Variants in S100A8 observed in about 807,000 individuals in gnomAD.
The protein encoded by S100A8 is S100 calcium binding protein A8, also known as protein S100-A8.
In S100A8, 1 loss-of-function variant was observed where a neutral mutation model predicts 4.2. That is an observed-to-expected ratio of 0.24 (90% CI 0.08 to 1.12). The LOEUF is 1.12. S100A8 is among the 50% of genes most tolerant of loss of function. S100A8 has a pLI of 0.53. For missense variants in S100A8, 96 were observed against 111.8 expected, an observed-to-expected ratio of 0.86 and a Z score of 0.64; for synonymous variants, 41 against 44.7, an observed-to-expected ratio of 0.92 and a Z score of 0.33.
At chr1:153,419,284 C>T in the S100A8 span, 13 of 1,614,062 alleles carry the variant, frequency 8.1e-6, no homozygotes, top group Admixed American at 5.0e-5. Context: ...CATGGAGCGG[C>T]GCCCTGTTCT....
chr1:153,407,369 G>C, the S100A8 span, among the ~76,000 whole-genome samples: 45 of 152,348 alleles, frequency 3.0e-4, no homozygotes, highest in African/African-American at 1.1e-3. Context: ...CTCGCTCACT[G>C]CTAGCACAGC....
chr1:153,396,871 T>C, the S100A8 span: 1 of 152,272 alleles, frequency 6.6e-6, no homozygotes, highest in Non-Finnish European at 1.5e-5. Flanking sequence ...GGCCTGGCCT[T>C]GCCTGCAAGG....
chr1:153,394,142 C>T (rs1662164191), upstream of S100A8, among the ~76,000 whole-genome samples: 1 of 152,172 alleles, frequency 6.6e-6, no homozygotes, highest in South Asian at 2.1e-4. Flanking sequence ...GGAACCTGGT[C>T]ATGTTTACAG....
At chr1:153,410,248 A>C in the S100A8 span, among the ~76,000 whole-genome samples, 1 of 152,364 alleles carries the variant, frequency 6.6e-6, no homozygotes, top group South Asian at 2.1e-4. Context: ...CTAATAAAGA[A>C]GAAAAGAGAG....
At chr1:153,419,217 T>G in the S100A8 span, 3 of 1,614,076 alleles carry the variant, frequency 1.9e-6, no homozygotes, top group Admixed American at 1.7e-5. Context: ...GAAGATTGAT[T>G]TTTCTGAGTT....
At chr1:153,403,603 C>T in the S100A8 span, among the ~76,000 whole-genome samples, 63 of 152,264 alleles carry the variant, frequency 4.1e-4, no homozygotes, top group African/African-American at 1.5e-3. Context: ...CCCTGTGGGC[C>T]ACGGCCCTGC....
the S100A8 span, among the ~76,000 whole-genome samples, chr1:153,415,714 G>C: frequency 2.7e-5 from 4 of 146,362 alleles, no homozygotes; most frequent in Non-Finnish European, 4.5e-5. Context: ...TCCATGGGGC[G>C]GGGGGGGCGG....
At chr1:153,417,308 C>A in the S100A8 span, 1 of 152,356 alleles carries the variant, frequency 6.6e-6, no homozygotes, top group East Asian at 1.9e-4. Flanking sequence ...ACAGGGTCAA[C>A]CCTTGGTGAT....
At chr1:153,414,133 T>G in the S100A8 span, among the ~76,000 whole-genome samples, 1 of 152,168 alleles carries the variant, frequency 6.6e-6, no homozygotes, top group Non-Finnish European at 1.5e-5. Context: ...TAGACCTACA[T>G]GCAAAACATA....
the S100A8 span, among the ~76,000 whole-genome samples, chr1:153,399,896 C>T: frequency 1.3e-5 from 2 of 152,174 alleles, no homozygotes; most frequent in Non-Finnish European, 2.9e-5. Flanking sequence ...AGCGCGGCCC[C>T]CTCAGGGGAT....
the S100A8 span, chr1:153,416,408 C>G: frequency 3.5e-6 from 1 of 285,794 alleles, no homozygotes; most frequent in Non-Finnish European, 7.0e-6. Flanking sequence ...GTCCCACACA[C>G]CTGATATGGG....
the S100A8 span, chr1:153,419,422 A>G: frequency 2.5e-6 from 3 of 1,208,690 alleles, no homozygotes; most frequent in Non-Finnish European, 3.5e-6. Flanking sequence ...CAAAACTACC[A>G]ATTCCAGGTT....
At chr1:153,421,460 T>G in the S100A8 span, 4 of 152,230 alleles carry the variant, frequency 2.6e-5, no homozygotes, top group Non-Finnish European at 5.9e-5. Context: ...GGATTCCAGC[T>G]CATAATAAGT....
the S100A8 span, chr1:153,419,704 G>T: frequency 5.7e-6 from 1 of 174,706 alleles, no homozygotes; most frequent in East Asian, 1.5e-4. Context: ...CACTGAGAAG[G>T]AGCTGGCATC....
chr1:153,391,558 T>C (rs1024565927), upstream of S100A8, among the ~76,000 whole-genome samples: 3 of 152,224 alleles, frequency 2.0e-5, no homozygotes, highest in East Asian at 3.8e-4. Flanking sequence ...TCCTGGCTGA[T>C]GGCTTTTAGT....
the S100A8 span, among the ~76,000 whole-genome samples, chr1:153,397,091 C>G: frequency 1.3e-5 from 2 of 152,258 alleles, no homozygotes; most frequent in African/African-American, 2.4e-5. Context: ...TTCGCATCCA[C>G]TGGCAGTAGC....
chr1:153,399,040 C>A, the S100A8 span, among the ~76,000 whole-genome samples: 1 of 152,206 alleles, frequency 6.6e-6, no homozygotes, highest in Non-Finnish European at 1.5e-5. Flanking sequence ...ACAGATCCAA[C>A]ACAAACCCTC....
At chr1:153,412,231 T>G in the S100A8 span, among the ~76,000 whole-genome samples, 4 of 152,182 alleles carry the variant, frequency 2.6e-5, no homozygotes, top group East Asian at 7.7e-4. Flanking sequence ...TGCAACCTAC[T>G]CATCTGACGA....
At chr1:153,418,908 G>A in the S100A8 span, among the ~76,000 whole-genome samples, 7 of 152,062 alleles carry the variant, frequency 4.6e-5, no homozygotes, top group East Asian at 1.9e-4. Flanking sequence ...AGAGTGCCTC[G>A]GGACAGGACC....
Sources: allele counts gnomAD v4.1 joint callset (sites outside exome capture counted in the v4.1 genomes callset), GRCh38; gene constraint gnomAD v4.1.1; transcripts MANE v1.5; gene names NCBI Gene and HGNC (gene_info 2026-07-23, HGNC 2026-07-21).